The following NMBR variants were observed in gnomAD, a reference collection of about 807,000 sequenced individuals.
NMBR encodes the protein neuromedin-B receptor.
Under a neutral mutation model 20.5 loss-of-function variants are expected in NMBR, and 16 were observed. The observed-to-expected ratio is 0.78, with a 90% CI of 0.53 to 1.19. The LOEUF (loss-of-function observed/expected upper bound fraction) is 1.19, where lower values mean the gene tolerates loss of function less well. Ranked by LOEUF, NMBR falls within the 50% of genes most tolerant of loss-of-function variation. The pLI is 0.00. For synonymous variants in NMBR, 212 were observed against 196.6 expected, an observed-to-expected ratio of 1.08 and a Z score of -0.65; for missense variants, 582 against 499.1, an observed-to-expected ratio of 1.17 and a Z score of -1.58.
chr6:142,123,333 A>C (rs1777977091), intron 1 of NMBR, among the ~76,000 whole-genome samples: 1 of 151,914 alleles, frequency 6.6e-6, no homozygotes, highest in African/African-American at 2.4e-5. Context: ...CTTCTTATGG[A>C]TGAGGAAAGA....
intron 1 of NMBR, among the ~76,000 whole-genome samples, chr6:142,091,364 C>T (rs1384910183): frequency 6.6e-6 from 1 of 152,124 alleles, no homozygotes; most frequent in Non-Finnish European, 1.5e-5. Flanking sequence ...GCTGGGACCG[C>T]AAGTGTGCCC....
intron 2 of NMBR, among the ~76,000 whole-genome samples, chr6:142,084,424 C>T (rs1209271541): frequency 1.3e-5 from 2 of 151,998 alleles, no homozygotes; most frequent in Non-Finnish European, 2.9e-5. Flanking sequence ...GCATTTAATC[C>T]AACATTGGCT....
chr6:142,074,872 C>T lies in NMBR; in HGVS notation c.*776G>A, dbSNP rs1002834901. ...TCATATTCATATGATACCTATTTTA[C>T]ATTCATAATATAAATTATATTCATA... On this transcript the variant is annotated 3_prime_UTR_variant, in exon 4 of 4. Transcript: ENST00000258042. Among the ~76,000 whole-genome samples the T allele has an allele frequency of 6.6e-6, 1 of 151,940 alleles. No individual in the cohort carries two copies. The highest frequency in any genetic ancestry group is 6.6e-5 in the Admixed American group (1 of 15,258).
chr6:142,136,456 G>T (rs376228569), intron 1 of NMBR, among the ~76,000 whole-genome samples: 27 of 152,012 alleles, frequency 1.8e-4, no homozygotes, highest in Non-Finnish European at 3.2e-4. Flanking sequence ...GCCTGTTCAC[G>T]CTGATGGTAG....
intron 2 of NMBR, among the ~76,000 whole-genome samples, chr6:142,084,380 G>A (rs532094188): frequency 2.0e-5 from 3 of 152,242 alleles, no homozygotes; most frequent in East Asian, 3.9e-4. Flanking sequence ...TAATGCATTA[G>A]AAACTTAATC....
intron 2 of NMBR, among the ~76,000 whole-genome samples, chr6:142,080,909 A>G (rs1218035648): frequency 6.6e-6 from 1 of 152,206 alleles, no homozygotes; most frequent in East Asian, 1.9e-4. Context: ...AGAAAATGTC[A>G]CTTCTCTACC....
intron 1 of NMBR, among the ~76,000 whole-genome samples, chr6:142,140,763 A>G (rs1356266690): frequency 6.6e-6 from 1 of 152,178 alleles, no homozygotes; most frequent in Non-Finnish European, 1.5e-5. Flanking sequence ...AATCCTAAGC[A>G]TCAGAGAGCT....
chr6:142,133,160 T>C lies in NMBR; in HGVS notation c.-664+13884A>G, dbSNP rs755964199. On this transcript the variant is annotated intron_variant, in intron 1 of 3. Coordinates refer to ENST00000258042, the MANE Select transcript of NMBR (RefSeq NM_002511.4). ...TGCCAGGATAACATCTCCTGAGACA[T>C]GTCTCTAAATTACATCAAAAACTTC... 52 of 679,824 alleles carry C rather than the reference T, an allele frequency of 7.6e-5. No homozygotes were observed. The East Asian group carries it at 9.2e-4, about 12-fold the overall frequency. 42.1% of individuals were successfully genotyped at this position (679,824 alleles called of 1,614,324 possible).
chr6:142,096,671 G>A (rs1272074055), intron 1 of NMBR, among the ~76,000 whole-genome samples: 1 of 152,070 alleles, frequency 6.6e-6, no homozygotes, highest in Admixed American at 6.6e-5. Flanking sequence ...GGAGAGTTCT[G>A]TATATGTCTA....
At chr6:142,104,071 AACTG>A (rs1319274922) in intron 1 of NMBR, among the ~76,000 whole-genome samples, 2 of 152,202 alleles carry the variant, frequency 1.3e-5, no homozygotes, top group African/African-American at 4.8e-5. Context: ...ATGTGGAAAT[AACTG>A]ACTATGTCGG....
In NMBR at chr6:142,075,715, G is replaced by A. The variant is rs767242114; in HGVS notation, c.1106C>T (p.Ala369Val). The A allele has an allele frequency of 5.0e-6, 8 of 1,613,820 alleles. No homozygotes were observed. The Admixed American group carries it at 5.0e-5, about 10-fold the overall frequency. ...AACAGAATTGGTCACCATGTTCTTA[G>A]CATTGCTTTTCAGAGATGTCATACG... The part of the protein sequence containing the change: ...AVRMTSLKSN[A>V]KNMVTNSVLL... The change falls in exon 4 of 4, where the codon GCT (alanine) becomes GTT (valine). Residue 369 changes from alanine to valine, a missense_variant. Coordinates refer to ENST00000258042, the MANE Select transcript of NMBR (RefSeq NM_002511.4).
At chr6:142,083,578 G>A (rs1209283891) in intron 2 of NMBR, among the ~76,000 whole-genome samples, 1 of 152,138 alleles carries the variant, frequency 6.6e-6, no homozygotes, top group Non-Finnish European at 1.5e-5. Flanking sequence ...GGGACCTGAT[G>A]GGAGGTGACT....
At chr6:142,079,369 A>G (rs1231771791) in intron 2 of NMBR, among the ~76,000 whole-genome samples, 2 of 152,104 alleles carry the variant, frequency 1.3e-5, no homozygotes, top group East Asian at 3.9e-4. Context: ...TCATTCCACT[A>G]CTTATTAGCA....
At chr6:142,095,760 C>T (rs1182521940) in intron 1 of NMBR, among the ~76,000 whole-genome samples, 10 of 152,058 alleles carry the variant, frequency 6.6e-5, no homozygotes, top group Non-Finnish European at 1.2e-4. Context: ...TGGTAGAATT[C>T]GGCTGTGAAT....
At chr6:142,077,635 C>A (rs1349068032) in intron 3 of NMBR, among the ~76,000 whole-genome samples, 2 of 152,140 alleles carry the variant, frequency 1.3e-5, no homozygotes, top group African/African-American at 2.4e-5. Context: ...ACCTTCCATG[C>A]AAGAAAACTT....
intron 3 of NMBR, among the ~76,000 whole-genome samples, chr6:142,078,163 C>G (rs918590058): frequency 6.6e-6 from 1 of 152,162 alleles, no homozygotes; most frequent in African/African-American, 2.4e-5. Flanking sequence ...CATCCTTCTT[C>G]TAGACTCCCT....
chr6:142,078,450 A>G, intron 3 of NMBR, 105 bp downstream of exon 3: 2 of 668,246 alleles, frequency 3.0e-6, no homozygotes, highest in African/African-American at 1.8e-5. Context: ...TGAAGGCCCA[A>G]CTCTGTTCTC....
chr6:142,076,072 C>T (rs761107432), intron 3 of NMBR, 23 bp from the exon 4 acceptor site: 5 of 1,535,248 alleles, frequency 3.3e-6, no homozygotes, highest in Middle Eastern at 1.8e-4. Flanking sequence ...GAAATTGATC[C>T]CATTGGTTAA....
chr6:142,106,382 A>C (rs572472973), intron 1 of NMBR, among the ~76,000 whole-genome samples: 4 of 152,312 alleles, frequency 2.6e-5, no homozygotes, highest in African/African-American at 9.6e-5. Flanking sequence ...CCAAATCCCG[A>C]GGCTCTAATC....
Sources: allele counts gnomAD v4.1 joint callset (sites outside exome capture counted in the v4.1 genomes callset), GRCh38; gene constraint gnomAD v4.1.1; transcripts MANE v1.5; gene names NCBI Gene and HGNC (gene_info 2026-07-23, HGNC 2026-07-21).